DOCK8: variants seen among roughly 807,000 people sequenced by gnomAD.
DOCK8 encodes the protein dedicator of cytokinesis 8.
DOCK8 carries 141 observed loss-of-function variants against 245.6 expected under a neutral mutation model. The observed-to-expected ratio is 0.57, with a 90% CI of 0.50 to 0.66. The LOEUF is 0.66. Ranked by LOEUF, DOCK8 falls within the 30% of genes least tolerant of loss-of-function variation. DOCK8 has a pLI of 0.00. For missense variants in DOCK8, 2,965 were observed against 2,603.4 expected (o/e 1.14, Z -3.02); for synonymous variants, 1,168 against 970.2 (o/e 1.20, Z -3.79).
At chr9:405,669 A>G (rs2055382071) in intron 27 of DOCK8, among the ~76,000 whole-genome samples, 1 of 152,234 alleles carries the variant, frequency 6.6e-6, no homozygotes, top group African/African-American at 2.4e-5. Context: ...TATAGGGAAC[A>G]CATCAGTAGC....
chr9:398,421 A>G (rs1586900203), intron 25 of DOCK8, among the ~76,000 whole-genome samples: 2 of 151,966 alleles, frequency 1.3e-5, no homozygotes, highest in Non-Finnish European at 2.9e-5. Flanking sequence ...CATATTTTTA[A>G]TAGTGTCAAA....
At chr9:410,871 A>C (rs534779182) in intron 28 of DOCK8, among the ~76,000 whole-genome samples, 24 of 152,370 alleles carry the variant, frequency 1.6e-4, no homozygotes, top group African/African-American at 5.5e-4. Context: ...CTAAAATCAT[A>C]ATTGAAAGAT....
intron 1 of DOCK8, among the ~76,000 whole-genome samples, chr9:227,748 T>C (rs563820263): frequency 2.1e-4 from 32 of 152,106 alleles, no homozygotes; most frequent in African/African-American, 6.3e-4. Context: ...GAGGTGGAGA[T>C]TGGGACTGAA....
At chr9:268,463 A>G (rs2048084615) in intron 1 of DOCK8, among the ~76,000 whole-genome samples, 1 of 152,212 alleles carries the variant, frequency 6.6e-6, no homozygotes, top group Non-Finnish European at 1.5e-5. Context: ...CAAAAATACT[A>G]GAGTTTTGAC....
intron 40 of DOCK8, among the ~76,000 whole-genome samples, chr9:440,168 A>G (rs758950879): frequency 4.6e-5 from 7 of 151,966 alleles, no homozygotes; most frequent in Admixed American, 1.3e-4. Context: ...ACAGGTGTGC[A>G]CCACCACACT....
At chr9:332,553 G>A (rs1586722142) in intron 10 of DOCK8, 75 bp downstream of exon 10, 1 of 969,054 alleles carries the variant, frequency 1.0e-6, no homozygotes, top group East Asian at 2.8e-5. Context: ...TACACAAATA[G>A]TTAATGGGCT....
chr9:271,593 T>C, intron 1 of DOCK8, 34 bp from the exon 2 acceptor site: 3 of 1,416,724 alleles, frequency 2.1e-6, no homozygotes, highest in Non-Finnish European at 2.9e-6. Flanking sequence ...CCTAAAATAA[T>C]CATTTCATTT....
intron 33 of DOCK8, 25 bp from the exon 34 acceptor site, chr9:426,860 A>C: frequency 6.2e-7 from 1 of 1,606,406 alleles, no homozygotes; most frequent in South Asian, 1.1e-5. Context: ...CATGCGCTTT[A>C]ATTTGACCTC....
At chr9:376,174 T>C (rs1314590226) in intron 18 of DOCK8, 36 bp from the exon 19 acceptor site, 6 of 1,445,906 alleles carry the variant, frequency 4.1e-6, no homozygotes, top group Non-Finnish European at 5.8e-6. Flanking sequence ...AAAAGGGAAT[T>C]GGATTGCTAA....
Position 317,449 on chromosome 9 carries a change from A to G in DOCK8, c.827+321A>G, listed in dbSNP as rs28427324. ...TCAGTGGTGTGCTGGAGTCGACTGT[A>G]CTAACTCGTGAGATCTGACAGTGCA... On this transcript the variant is annotated intron_variant, in intron 7 of 47. Transcript: ENST00000432829. 9.5e-3 allele frequency among the ~76,000 whole-genome samples: 1,452 copies of G among 152,332 alleles called. 20 individuals are homozygous for G. The highest frequency in any genetic ancestry group is 0.033 in the African/African-American group (1,367 of 41,566).
intron 1 of DOCK8, among the ~76,000 whole-genome samples, chr9:248,444 CCCCTCCTT>C (rs1563839100): frequency 1.3e-5 from 2 of 149,798 alleles, no homozygotes; most frequent in Admixed American, 6.7e-5. Flanking sequence ...TTCTGTCTTT[CCCCTCCTT>C]CCTTCCTTCC....
upstream of DOCK8, chr9:214,464 G>T (rs1381089798): frequency 8.3e-6 from 13 of 1,563,040 alleles, no homozygotes; most frequent in Admixed American, 1.1e-4. Flanking sequence ...TTTTTTTTTG[G>T]CTGCCTTCTT....
intron 5 of DOCK8, among the ~76,000 whole-genome samples, chr9:306,315 T>C (rs568356519): frequency 2.0e-5 from 3 of 152,298 alleles, no homozygotes; most frequent in Non-Finnish European, 4.4e-5. Context: ...CAGCGCTAAA[T>C]ATGACAGGCT....
chr9:363,945 C>T (rs994599394), intron 14 of DOCK8, among the ~76,000 whole-genome samples: 3 of 152,214 alleles, frequency 2.0e-5, no homozygotes, highest in Non-Finnish European at 4.4e-5. Context: ...CAGTCCCTTT[C>T]ATCCAGCTAC....
rs1036939550 is a variant in DOCK8, at chr9:360,216, C to T, written c.1680-7802C>T. On this transcript the variant is annotated intron_variant, in intron 14 of 47. Transcript: ENST00000432829. ...CTGTAGTCCCAGCTACTCAGGAGGC[C>T]GAGGCAGGAGAATTGCTTGATCTTG... 4.6e-5 allele frequency among the ~76,000 whole-genome samples: 7 copies of T among 151,376 alleles called. No homozygotes were observed. In the East Asian group the frequency reaches 9.7e-4, roughly 21 times the overall value.
At chr9:439,095 T>G (rs1413926061) in intron 39 of DOCK8, 150 bp from the exon 40 acceptor site, 5 of 979,334 alleles carry the variant, frequency 5.1e-6, no homozygotes, top group Non-Finnish European at 8.0e-6. Context: ...GGCAGACAGA[T>G]ACTCTCGGGG....
At chr9:427,190 G>A (rs1195349464) in intron 34 of DOCK8, among the ~76,000 whole-genome samples, 2 of 152,154 alleles carry the variant, frequency 1.3e-5, no homozygotes, top group Non-Finnish European at 2.9e-5. Context: ...TTTGACTTAG[G>A]GCTTACTTGG....
intron 33 of DOCK8, among the ~76,000 whole-genome samples, chr9:425,497 ACTCTG>A (rs2056457982): frequency 7.4e-6 from 1 of 135,904 alleles, no homozygotes; most frequent in Admixed American, 7.3e-5. Context: ...GCGCCACTGC[ACTCTG>A]CACTCCAGCC....
chr9:420,624 C>G, intron 31 of DOCK8, 41 bp downstream of exon 31: 1 of 1,610,666 alleles, frequency 6.2e-7, no homozygotes, highest in Non-Finnish European at 8.5e-7. Flanking sequence ...GCTCTTATCT[C>G]TCAATTGCAA....
Sources: allele counts gnomAD v4.1 joint callset (sites outside exome capture counted in the v4.1 genomes callset), GRCh38; gene constraint gnomAD v4.1.1; transcripts MANE v1.5; gene names NCBI Gene and HGNC (gene_info 2026-07-23, HGNC 2026-07-21).